APBB1IP: variants seen among roughly 807,000 people sequenced by gnomAD.
The protein encoded by APBB1IP is amyloid beta precursor protein binding family B member 1 interacting protein, also known as amyloid beta A4 precursor protein-binding family B member 1-interacting protein.
In APBB1IP, 27 loss-of-function variants were observed where a neutral mutation model predicts 64.9. That is an observed-to-expected ratio of 0.42 (90% CI 0.31 to 0.57). The LOEUF is 0.57. Among genes scored for constraint, APBB1IP ranks in the 20% least tolerant of loss-of-function variants. The probability of loss-of-function intolerance (pLI) is 0.20; values close to 1 mark genes in which losing one functional copy is unlikely to be tolerated. For synonymous variants in APBB1IP, 392 were observed against 331.0 expected (o/e 1.18, Z -2.00); for missense variants, 812 against 845.5 (o/e 0.96, Z 0.49).
chr10:26,511,839 C>T lies in APBB1IP; in HGVS notation c.624C>T (p.Phe208=), dbSNP rs149483004. ...CCCGAGATGTTCTGGACAACCTTTT[C>T]GAGAAAACTCATTGTGACTGCAATG... is the stretch of plus-strand genomic sequence containing the variant. ...QLARDVLDNL[F]EKTHCDCNVD... The change falls in exon 7 of 15, where the codon TTC becomes TTT. Residue 208 remains phenylalanine, a synonymous_variant. Coordinates refer to ENST00000376236, the MANE Select transcript of APBB1IP (RefSeq NM_019043.4). 245 of 1,614,140 alleles carry T rather than the reference C, an allele frequency of 1.5e-4. 1 individual carries two copies. The Admixed American group carries it at 2.8e-3, about 19-fold the overall frequency.
chr10:26,489,121 A>C (rs888291227), intron 2 of APBB1IP, among the ~76,000 whole-genome samples: 1 of 152,212 alleles, frequency 6.6e-6, no homozygotes, highest in Non-Finnish European at 1.5e-5. Context: ...AGTAGAGAAA[A>C]TTAATACATC....
intron 8 of APBB1IP, among the ~76,000 whole-genome samples, chr10:26,515,535 C>G (rs997038573): frequency 6.6e-6 from 1 of 152,200 alleles, no homozygotes; most frequent in African/African-American, 2.4e-5. Context: ...TCTGAACAAC[C>G]ATATGCACAG....
At position 26,550,852 on chromosome 10, in the gene APBB1IP, T is replaced by G. The variant is rs193139169; in HGVS notation, c.1155+9160T>G. 1.1e-4 allele frequency among the ~76,000 whole-genome samples: 16 copies of G among 152,360 alleles called. No individual in the cohort carries two copies. The East Asian group carries it at 3.1e-3, about 29-fold the overall frequency. On this transcript the variant is annotated intron_variant, in intron 11 of 14. Transcript: ENST00000376236. ...TTATTTCAGTCTTCCCTGTCTGGAT[T>G]TGTTTATGACCGTTCTTTTTTAGTG... is the stretch of plus-strand genomic sequence containing the variant.
chr10:26,518,980 G>A (rs776968285), intron 8 of APBB1IP, among the ~76,000 whole-genome samples: 203 of 152,116 alleles, frequency 1.3e-3, no homozygotes, highest in Non-Finnish European at 2.4e-3. Flanking sequence ...TTCTCACACT[G>A]CTATAAAGAA....
At chr10:26,560,481 C>A (rs146782469) in intron 12 of APBB1IP, among the ~76,000 whole-genome samples, 65 of 152,164 alleles carry the variant, frequency 4.3e-4, no homozygotes, top group Admixed American at 9.2e-4. Context: ...TAAAGACACA[C>A]GTAATCAGAA....
intron 2 of APBB1IP, among the ~76,000 whole-genome samples, chr10:26,464,046 C>T (rs1464557722): frequency 6.6e-6 from 1 of 152,124 alleles, no homozygotes; most frequent in Non-Finnish European, 1.5e-5. Flanking sequence ...CCCATCCTTG[C>T]TGACCTGGAG....
chr10:26,504,804 C>A (rs1836154152), intron 6 of APBB1IP, among the ~76,000 whole-genome samples: 1 of 152,090 alleles, frequency 6.6e-6, no homozygotes, highest in Admixed American at 6.6e-5. Flanking sequence ...GGGTCTTGTT[C>A]TATCACCCAG....
intron 12 of APBB1IP, among the ~76,000 whole-genome samples, chr10:26,560,410 G>A (rs892278701): frequency 2.0e-5 from 3 of 152,178 alleles, no homozygotes; most frequent in Non-Finnish European, 4.4e-5. Flanking sequence ...TACTCATGGC[G>A]AGTATTGCAA....
chr10:26,540,601 A>G (rs1280160415), intron 10 of APBB1IP, among the ~76,000 whole-genome samples: 1 of 152,240 alleles, frequency 6.6e-6, no homozygotes. Flanking sequence ...GTAAGAAAAG[A>G]ATACAAGCAT....
intron 6 of APBB1IP, among the ~76,000 whole-genome samples, chr10:26,511,538 A>G (rs1836259927): frequency 6.6e-6 from 1 of 152,012 alleles, no homozygotes; most frequent in African/African-American, 2.4e-5. Context: ...TTTATTATCT[A>G]TTTTCTATTT....
At chr10:26,542,180 C>T (rs553903417) in intron 11 of APBB1IP, among the ~76,000 whole-genome samples, 42 of 151,928 alleles carry the variant, frequency 2.8e-4, no homozygotes, top group African/African-American at 9.6e-4. Context: ...TTTTTGAGAC[C>T]GAGTCTCACT....
chr10:26,545,103 C>T (rs535617603), intron 11 of APBB1IP, among the ~76,000 whole-genome samples: 46 of 152,238 alleles, frequency 3.0e-4, no homozygotes, highest in Middle Eastern at 6.8e-3. Context: ...TTCTCAGTTC[C>T]CTCCCAAAAT....
chr10:26,515,033 G>A (rs961179520), intron 8 of APBB1IP, among the ~76,000 whole-genome samples: 26 of 113,712 alleles, frequency 2.3e-4, no homozygotes, highest in African/African-American at 8.7e-4. Context: ...CACCACCCCC[G>A]GCTAATTTTT....
At chr10:26,497,507 C>T (rs895446727) in intron 4 of APBB1IP, among the ~76,000 whole-genome samples, 2 of 148,442 alleles carry the variant, frequency 1.3e-5, no homozygotes, top group Non-Finnish European at 3.0e-5. Flanking sequence ...GCTGAGATCG[C>T]GCCACTGCAC....
intron 2 of APBB1IP, among the ~76,000 whole-genome samples, chr10:26,439,370 C>T (rs1835314650): frequency 6.6e-6 from 1 of 152,114 alleles, no homozygotes; most frequent in Admixed American, 6.5e-5. Flanking sequence ...AACTTTTGGA[C>T]AACTCTTTCC....
intron 8 of APBB1IP, among the ~76,000 whole-genome samples, chr10:26,514,453 A>G (rs1246147876): frequency 6.6e-6 from 1 of 152,254 alleles, no homozygotes; most frequent in Non-Finnish European, 1.5e-5. Context: ...TAAAAAGCAT[A>G]AATTTATATT....
At chr10:26,537,933 C>CAAAAAAAAAAAAAAAAAAAAAGAAAA (rs11331595) in intron 10 of APBB1IP, among the ~76,000 whole-genome samples, 1 of 106,990 alleles carries the variant, frequency 9.3e-6, no homozygotes, top group Non-Finnish European at 1.9e-5. Flanking sequence ...GACTAGGTCT[C>CAAAAAAAAAAAAAAAAAAAAAGAAAA]AAAAAAAAAA....
intron 3 of APBB1IP, among the ~76,000 whole-genome samples, chr10:26,495,599 G>C (rs544561963): frequency 4.1e-5 from 6 of 145,394 alleles, no homozygotes; most frequent in African/African-American, 1.6e-4. Context: ...TAAGACCCCC[G>C]TCTCATTTTT....
At chr10:26,457,710 T>C (rs1313130996) in intron 2 of APBB1IP, among the ~76,000 whole-genome samples, 1 of 152,206 alleles carries the variant, frequency 6.6e-6, no homozygotes. Flanking sequence ...GGAAATGCTC[T>C]CTATGCAATG....
Sources: allele counts gnomAD v4.1 joint callset (sites outside exome capture counted in the v4.1 genomes callset), GRCh38; gene constraint gnomAD v4.1.1; transcripts MANE v1.5; gene names NCBI Gene and HGNC (gene_info 2026-07-23, HGNC 2026-07-21).